ZFPM2: variants seen among roughly 807,000 people sequenced by gnomAD.
ZFPM2 encodes zinc finger protein ZFPM2.
ZFPM2 carries 20 observed loss-of-function variants against 98.6 expected under a neutral mutation model. That is an observed-to-expected ratio of 0.20 (90% CI 0.14 to 0.29). The LOEUF (loss-of-function observed/expected upper bound fraction) is 0.29, where lower values mean the gene tolerates loss of function less well. ZFPM2 is among the 10% of genes least tolerant of loss of function. The probability of loss-of-function intolerance (pLI) is 1.00; values close to 1 mark genes in which losing one functional copy is unlikely to be tolerated. For missense variants in ZFPM2, 1,310 were observed against 1,388.6 expected, an observed-to-expected ratio of 0.94 and a Z score of 0.90; for synonymous variants, 518 against 502.7, an observed-to-expected ratio of 1.03 and a Z score of -0.41.
rs982462790 is a variant in ZFPM2 at position 105,628,300 on chromosome 8, A to G, written c.421-5946A>G. On this transcript the variant is annotated intron_variant, in intron 4 of 7. Transcript: ENST00000407775. Reference sequence around the variant, plus strand: ...TGTAAAGTCAATGATGATTCAGGATATGATGTATCTGATTTTATAAGCAGG... The same window carrying G: ...TGTAAAGTCAATGATGATTCAGGATGTGATGTATCTGATTTTATAAGCAGG... Among the ~76,000 whole-genome samples the G allele has an allele frequency of 3.3e-5, 5 of 152,184 alleles. 1 individual carries two copies. Among genetic ancestry groups the G allele is most frequent in the Non-Finnish European group, 5.9e-5 (4 of 68,038 alleles).
chr8:105,482,359 T>C (rs1322593415), intron 3 of ZFPM2, among the ~76,000 whole-genome samples: 1 of 152,188 alleles, frequency 6.6e-6, no homozygotes, highest in Non-Finnish European at 1.5e-5. Context: ...ACTTCATGAA[T>C]GTAGCATACA....
chr8:105,514,877 G>A (rs141782519), intron 3 of ZFPM2, among the ~76,000 whole-genome samples: 1 of 152,282 alleles, frequency 6.6e-6, no homozygotes, highest in African/African-American at 2.4e-5. Flanking sequence ...TATCGAGCCT[G>A]CACATAGTAG....
intron 5 of ZFPM2, among the ~76,000 whole-genome samples, chr8:105,783,210 GTTTTTT>G (rs753557703): frequency 2.7e-3 from 238 of 88,960 alleles, no homozygotes; most frequent in African/African-American, 8.9e-3. Context: ...TTTCTTTATG[GTTTTTT>G]TTTTTTTTTT....
intron 5 of ZFPM2, among the ~76,000 whole-genome samples, chr8:105,736,032 GAT>G (rs537634402): frequency 2.8e-4 from 43 of 152,070 alleles, no homozygotes; most frequent in African/African-American, 9.4e-4. Flanking sequence ...AACTGTTAAA[GAT>G]ATGTCACTTG....
At chr8:105,412,479 T>G (rs535560102) in intron 1 of ZFPM2, among the ~76,000 whole-genome samples, 2 of 151,730 alleles carry the variant, frequency 1.3e-5, no homozygotes, top group African/African-American at 2.4e-5. Flanking sequence ...GGAAAGAAAT[T>G]AATCAAAAAG....
chr8:105,603,492 T>G (rs1586492960), intron 4 of ZFPM2, among the ~76,000 whole-genome samples: 1 of 152,132 alleles, frequency 6.6e-6, no homozygotes. Context: ...AAAATCTGAC[T>G]GTTAATTGTT....
rs1811747549 is a variant in ZFPM2, at chr8:105,419,323, G to A, written c.199+21G>A. The stretch of plus-strand genomic sequence containing the variant: ...CAAAGGTAATTGTTGATGGTTGGAT[G>A]TAATATGTGAGTCCACTTAAATGAT... On this transcript the variant is annotated intron_variant, in intron 2 of 7. Coordinates refer to ENST00000407775, the MANE Select transcript of ZFPM2 (RefSeq NM_012082.4). 10 of 1,609,018 alleles carry A rather than the reference G, an allele frequency of 6.2e-6. 1 individual carries two copies. In the East Asian group the frequency reaches 1.8e-4, roughly 29 times the overall value.
At position 105,497,672 on chromosome 8, in the gene ZFPM2, A is replaced by C. The variant is rs141668830; in HGVS notation, c.301+53291A>C. Among the ~76,000 whole-genome samples the C allele has an allele frequency of 3.3e-3, 502 of 152,254 alleles. 4 individuals are homozygous for C. The highest frequency in any genetic ancestry group is 5.5e-3 in the Non-Finnish European group (372 of 68,016). ...CTTTTTTACTTCATAATTGCAGAACACTTTGTTTCTCTTTTAGGTAGCTGG... is the reference window on the plus strand; with the variant it reads ...CTTTTTTACTTCATAATTGCAGAACCCTTTGTTTCTCTTTTAGGTAGCTGG... On this transcript the variant is annotated intron_variant, in intron 3 of 7. Transcript: ENST00000407775.
chr8:105,461,879 T>C (rs1182427770), intron 3 of ZFPM2, among the ~76,000 whole-genome samples: 1 of 152,100 alleles, frequency 6.6e-6, no homozygotes, highest in African/African-American at 2.4e-5. Context: ...AATCCTGGAA[T>C]CAAAATTAAG....
chr8:105,331,704 C>G (rs1400656468), intron 1 of ZFPM2, among the ~76,000 whole-genome samples: 1 of 151,628 alleles, frequency 6.6e-6, no homozygotes, highest in African/African-American at 2.4e-5. Flanking sequence ...ATGAATTTTT[C>G]TAGGAAATGG....
At chr8:105,567,584 G>A (rs1167131858) in intron 4 of ZFPM2, among the ~76,000 whole-genome samples, 1 of 152,076 alleles carries the variant, frequency 6.6e-6, no homozygotes, top group African/African-American at 2.4e-5. Context: ...TAAACTACTT[G>A]TATTTGAATC....
chr8:105,443,710 A>G (rs1181097020), intron 2 of ZFPM2, among the ~76,000 whole-genome samples: 2 of 152,166 alleles, frequency 1.3e-5, no homozygotes, highest in Non-Finnish European at 2.9e-5. Context: ...ATAGGTTTAT[A>G]GTTTCTTTTA....
At chr8:105,777,243 G>A (rs1813123721) in intron 5 of ZFPM2, among the ~76,000 whole-genome samples, 2 of 152,176 alleles carry the variant, frequency 1.3e-5, no homozygotes, top group African/African-American at 2.4e-5. Context: ...GCTGCTTACA[G>A]AAGAGCTGAA....
intron 3 of ZFPM2, among the ~76,000 whole-genome samples, chr8:105,543,577 A>G (rs1431606182): frequency 6.6e-6 from 1 of 152,164 alleles, no homozygotes; most frequent in Non-Finnish European, 1.5e-5. Flanking sequence ...AAGGAATTAA[A>G]CCAATTGGAA....
chr8:105,511,058 A>C (rs1426887495), intron 3 of ZFPM2, among the ~76,000 whole-genome samples: 2 of 152,122 alleles, frequency 1.3e-5, no homozygotes, highest in Non-Finnish European at 1.5e-5. Context: ...TGCCCATAGC[A>C]CTCAGGAATG....
chr8:105,352,682 G>A (rs1812671397), intron 1 of ZFPM2, among the ~76,000 whole-genome samples: 1 of 151,926 alleles, frequency 6.6e-6, no homozygotes, highest in Admixed American at 6.6e-5. Flanking sequence ...TTGCTTTCTG[G>A]TTATCCTTTC....
At position 105,801,248 on chromosome 8, in the gene ZFPM2, G is replaced by C. The variant is rs866503017; in HGVS notation, c.1166G>C (p.Gly389Ala). The C allele has an allele frequency of 1.2e-6, 2 of 1,613,752 alleles. No homozygotes were observed. Among genetic ancestry groups the C allele is most frequent in the African/African-American group, 2.7e-5 (2 of 74,890 alleles). The change falls in exon 8 of 8, where the codon GGC (glycine) becomes GCC (alanine). Residue 389 changes from glycine (G) to alanine (A), a missense_variant. Transcript: ENST00000407775. ...LQHQELHVPS[G>A]KLPRESDMEH... ...CACCAGGAGCTCCATGTCCCTAGCG[G>C]CAAACTTCCCAGAGAAAGTGACATG...
rs535384881 is a variant in ZFPM2 at position 105,473,866 on chromosome 8, G to A, written c.301+29485G>A. 7.9e-5 allele frequency among the ~76,000 whole-genome samples: 12 copies of A among 152,190 alleles called. No individual in the cohort carries two copies. The East Asian group carries it at 2.1e-3, about 27-fold the overall frequency. ...TACACAAATATACAAATAATATATA[G>A]CACACATACATACACATGTGCAAAC... On this transcript the variant is annotated intron_variant, in intron 3 of 7. Transcript: ENST00000407775.
Position 105,747,147 on chromosome 8 carries a change from A to C in ZFPM2, c.533-41571A>C, listed in dbSNP as rs536740379. ...ATACTAATAAAAACTTCTTGTTATC[A>C]TCTTTATTTTTAAGAATGAAGAAGG... On this transcript the variant is annotated intron_variant, in intron 5 of 7. Coordinates refer to ENST00000407775, the MANE Select transcript of ZFPM2 (RefSeq NM_012082.4). Among the ~76,000 whole-genome samples, 5 of 152,220 alleles carry C rather than the reference A, an allele frequency of 3.3e-5. No homozygotes were observed. In the South Asian group the frequency reaches 1.0e-3, roughly 32 times the overall value.
Sources: allele counts gnomAD v4.1 joint callset (sites outside exome capture counted in the v4.1 genomes callset), GRCh38; gene constraint gnomAD v4.1.1; transcripts MANE v1.5; gene names NCBI Gene and HGNC (gene_info 2026-07-23, HGNC 2026-07-21).